NCAM1: variants seen among roughly 807,000 people sequenced by gnomAD.
NCAM1 encodes the protein neural cell adhesion molecule 1.
NCAM1 carries 14 observed loss-of-function variants against 109.8 expected under a neutral mutation model. That is an observed-to-expected ratio of 0.13 (90% CI 0.08 to 0.20). NCAM1 has a LOEUF of 0.20. NCAM1 is among the 10% of genes least tolerant of loss of function. NCAM1 has a pLI of 1.00. For synonymous variants in NCAM1, 418 were observed against 442.9 expected, an observed-to-expected ratio of 0.94 and a Z score of 0.70; for missense variants, 774 against 1,109.9, an observed-to-expected ratio of 0.70 and a Z score of 4.30.
chr11:113,068,290 G>A (rs1356826907), intron 1 of NCAM1, among the ~76,000 whole-genome samples: 2 of 152,202 alleles, frequency 1.3e-5, no homozygotes, highest in Non-Finnish European at 2.9e-5. Context: ...TCTAGCTGTA[G>A]AGTCATGTTC....
chr11:113,046,846 A>G (rs1953285517), intron 1 of NCAM1, among the ~76,000 whole-genome samples: 1 of 151,002 alleles, frequency 6.6e-6, no homozygotes. Flanking sequence ...AAGGACATAG[A>G]TGGACAGACA....
intron 9 of NCAM1, among the ~76,000 whole-genome samples, chr11:113,229,104 G>A (rs1555116722): frequency 2.0e-5 from 3 of 152,108 alleles, no homozygotes; most frequent in African/African-American, 4.8e-5. Context: ...AAACTAAAGA[G>A]CTTCTGCACA....
intron 17 of NCAM1, chr11:113,263,811 G>A: frequency 1.0e-6 from 1 of 985,544 alleles, no homozygotes; most frequent in Non-Finnish European, 1.2e-6. Flanking sequence ...CCAGGCATTA[G>A]TCCCCTACCT....
chr11:113,050,683 C>T (rs1555081678), intron 1 of NCAM1, among the ~76,000 whole-genome samples: 3 of 151,756 alleles, frequency 2.0e-5, no homozygotes, highest in Admixed American at 6.6e-5. Flanking sequence ...AAATGTAGTT[C>T]GATATTCACT....
At chr11:113,183,190 A>G (rs1943386577) in intron 1 of NCAM1, among the ~76,000 whole-genome samples, 2 of 151,982 alleles carry the variant, frequency 1.3e-5, no homozygotes, top group Admixed American at 6.6e-5. Context: ...TTCCTTTTCA[A>G]CTGCTTTTCC....
At chr11:112,992,851 T>C (rs565039243) in intron 1 of NCAM1, among the ~76,000 whole-genome samples, 2 of 152,210 alleles carry the variant, frequency 1.3e-5, no homozygotes, top group African/African-American at 4.8e-5. Flanking sequence ...ATATTTCATA[T>C]TAATGTATAA....
At chr11:113,255,075 C>G (rs1022919409) in intron 15 of NCAM1, among the ~76,000 whole-genome samples, 3 of 152,150 alleles carry the variant, frequency 2.0e-5, no homozygotes, top group Non-Finnish European at 4.4e-5. Flanking sequence ...CAAGAAACAA[C>G]TGTTTTTCTG....
At chr11:112,989,975 T>A (rs1951413612) in intron 1 of NCAM1, among the ~76,000 whole-genome samples, 1 of 152,182 alleles carries the variant, frequency 6.6e-6, no homozygotes, top group South Asian at 2.1e-4. Context: ...AATTATTTTA[T>A]TTTGCCTTCT....
In NCAM1 at chr11:113,207,394, A is replaced by C; in HGVS notation, c.746+16A>C. The C allele has an allele frequency of 6.3e-7, 1 of 1,593,814 alleles. No homozygotes were observed. The highest frequency in any genetic ancestry group is 8.6e-7 in the Non-Finnish European group (1 of 1,161,776). On this transcript the variant is annotated intron_variant, in intron 6 of 19. Transcript: ENST00000316851. ...GCTGGACAAAGTAAGAAACTGGCTC[A>C]TACCTTTTATCATGGACTAGAGGAG...
chr11:112,995,332 G>C (rs1951565799), intron 1 of NCAM1, among the ~76,000 whole-genome samples: 1 of 152,124 alleles, frequency 6.6e-6, no homozygotes, highest in Non-Finnish European at 1.5e-5. Flanking sequence ...ATAGCTGTCT[G>C]AGAAGTAGTT....
chr11:112,970,371 C>T (rs935074173), intron 1 of NCAM1, among the ~76,000 whole-genome samples: 9 of 151,990 alleles, frequency 5.9e-5, no homozygotes, highest in Admixed American at 2.6e-4. Flanking sequence ...CTATGGTGGT[C>T]GGACAAAATG....
chr11:113,100,698 G>A (rs1395762819), intron 1 of NCAM1, among the ~76,000 whole-genome samples: 2 of 152,130 alleles, frequency 1.3e-5, no homozygotes, highest in Admixed American at 6.5e-5. Context: ...CTCTGCCAGT[G>A]GAGTTTGGGG....
At chr11:113,006,929 C>T (rs782652428) in intron 1 of NCAM1, among the ~76,000 whole-genome samples, 20 of 152,252 alleles carry the variant, frequency 1.3e-4, no homozygotes, top group Admixed American at 3.3e-4. Context: ...TTTTCAGTCT[C>T]TTCTGGCTTT....
chr11:113,191,323 C>T (rs1943667539), intron 1 of NCAM1, among the ~76,000 whole-genome samples: 1 of 152,168 alleles, frequency 6.6e-6, no homozygotes, highest in African/African-American at 2.4e-5. Context: ...ATTCCAGCAA[C>T]CTGTTTCCAT....
intron 1 of NCAM1, among the ~76,000 whole-genome samples, chr11:112,982,469 A>C (rs1298640135): frequency 6.6e-6 from 1 of 151,830 alleles, no homozygotes; most frequent in Non-Finnish European, 1.5e-5. Flanking sequence ...TGTTTTGGGA[A>C]GTTGGATTTG....
intron 1 of NCAM1, among the ~76,000 whole-genome samples, chr11:113,104,223 G>GGGGGGGGGT (rs1940040311): frequency 9.9e-6 from 1 of 100,692 alleles, no homozygotes; most frequent in Non-Finnish European, 2.0e-5. Flanking sequence ...GGGGGGCGGG[G>GGGGGGGGGT]TGGTGGTGGC....
chr11:113,051,634 A>T (rs1161392456), intron 1 of NCAM1, among the ~76,000 whole-genome samples: 1 of 152,172 alleles, frequency 6.6e-6, no homozygotes, highest in Non-Finnish European at 1.5e-5. Context: ...TGTAGTATAA[A>T]CTATTTTGTA....
chr11:113,106,040 ATAAT>A (rs1487795812), intron 1 of NCAM1, among the ~76,000 whole-genome samples: 1 of 152,218 alleles, frequency 6.6e-6, no homozygotes, highest in African/African-American at 2.4e-5. Context: ...ATATTTTAAA[ATAAT>A]TCATTTATTT....
At chr11:113,028,217 A>G (rs1253927301) in intron 1 of NCAM1, among the ~76,000 whole-genome samples, 1 of 152,204 alleles carries the variant, frequency 6.6e-6, no homozygotes, top group Non-Finnish European at 1.5e-5. Context: ...TAAAGGTTTG[A>G]GGTGATGAAC....
Sources: allele counts gnomAD v4.1 joint callset (sites outside exome capture counted in the v4.1 genomes callset), GRCh38; gene constraint gnomAD v4.1.1; transcripts MANE v1.5; gene names NCBI Gene and HGNC (gene_info 2026-07-23, HGNC 2026-07-21).